The following ARRB1 variants were observed in gnomAD, a reference collection of about 807,000 sequenced individuals.
ARRB1 encodes arrestin beta 1.
A neutral mutation model predicts 56.8 loss-of-function variants in ARRB1; 21 were observed. That is an observed-to-expected ratio of 0.37 (90% confidence interval 0.26 to 0.53). ARRB1 has a LOEUF of 0.53. ARRB1 is among the 20% of genes least tolerant of loss of function. The probability of loss-of-function intolerance (pLI) is 0.88; values close to 1 mark genes in which losing one functional copy is unlikely to be tolerated. For synonymous variants in ARRB1, 210 were observed against 218.6 expected, an observed-to-expected ratio of 0.96 and a Z score of 0.35; for missense variants, 424 against 553.7, an observed-to-expected ratio of 0.77 and a Z score of 2.35.
At chr11:75,285,459 CT>C in intron 3 of ARRB1, among the ~76,000 whole-genome samples, 1 of 152,330 alleles carries the variant, frequency 6.6e-6, no homozygotes, top group East Asian at 1.9e-4. Context: ...CTCTCTCCCC[CT>C]ACCCTCTAAC....
At chr11:75,297,864 CAAAAAAAAAA>C (rs34831668) in intron 1 of ARRB1, among the ~76,000 whole-genome samples, 18 of 29,266 alleles carry the variant, frequency 6.2e-4, no homozygotes, top group Admixed American at 3.4e-3. Context: ...GACTTTGTCT[CAAAAAAAAAA>C]AAAAAAAAAA....
intron 1 of ARRB1, among the ~76,000 whole-genome samples, chr11:75,294,558 A>AAAAT (rs201799600): frequency 1.4e-3 from 185 of 133,184 alleles, no homozygotes; most frequent in Middle Eastern, 7.7e-3. Flanking sequence ...CTCCGTCTCA[A>AAAAT]AAATAAATAA....
intron 1 of ARRB1, among the ~76,000 whole-genome samples, chr11:75,329,247 C>T (rs1382482547): frequency 2.0e-5 from 3 of 151,972 alleles, no homozygotes; most frequent in Non-Finnish European, 4.4e-5. Context: ...ACTATAGGCA[C>T]GCACCACCAT....
chr11:75,331,706 A>G (rs1947522979), intron 1 of ARRB1, among the ~76,000 whole-genome samples: 1 of 149,240 alleles, frequency 6.7e-6, no homozygotes, highest in Admixed American at 6.7e-5. Context: ...CTCTTTTCGG[A>G]CTCAGCCCGC....
chr11:75,266,029 C>G lies in ARRB1; in HGVS notation c.*134G>C, dbSNP rs1053597214. 28 of 706,422 alleles carry G rather than the reference C, an allele frequency of 4.0e-5. No individual in the cohort carries two copies. In the African/African-American group the frequency reaches 4.9e-4, roughly 12 times the overall value. 43.8% of individuals were successfully genotyped at this position (706,422 alleles called of 1,614,324 possible). On this transcript the variant is annotated 3_prime_UTR_variant, in exon 16 of 16. Transcript: ENST00000420843. Reference sequence around the variant, plus strand: ...GAGGCCAGAGGTTCATCACCGTGATCTGGAAGCCCACGGGGCCCCCTGGTA... The same window carrying G: ...GAGGCCAGAGGTTCATCACCGTGATGTGGAAGCCCACGGGGCCCCCTGGTA...
At chr11:75,351,488 G>T in intron 1 of ARRB1, 100 bp downstream of exon 1, 1 of 1,470,382 alleles carries the variant, frequency 6.8e-7, no homozygotes, top group Non-Finnish European at 9.0e-7. Flanking sequence ...ATCCCGCGGT[G>T]GCCGCGAACG....
chr11:75,344,747 A>C (rs755538994), intron 1 of ARRB1, among the ~76,000 whole-genome samples: 4 of 152,186 alleles, frequency 2.6e-5, no homozygotes, highest in Non-Finnish European at 5.9e-5. Context: ...GTGGGAGACA[A>C]GGCCCCAACT....
At position 75,298,929 on chromosome 11, in the gene ARRB1, T is replaced by TTAATTATGTTAATTTAACTAAATTAACA. The variant is rs1322040356; in HGVS notation, c.21-8891_21-8890insTGTTAATTTAGTTAAATTAACATAATTA. 7.0e-4 allele frequency among the ~76,000 whole-genome samples: 106 copies of TTAATTATGTTAATTTAACTAAATTAACA among 151,922 alleles called. 1 individual carries two copies. The highest frequency in any genetic ancestry group is 1.2e-3 in the Non-Finnish European group (84 of 67,942). On this transcript the variant is annotated intron_variant, in intron 1 of 15. Transcript: ENST00000420843. ...TTATGTTAAGTAAATTAACATAATGTTAATTATGTTAATTTAACATAATTA... is the reference window on the plus strand; with the variant it reads ...TTATGTTAAGTAAATTAACATAATGTTAATTATGTTAATTTAACTAAATTAACATAATTATGTTAATTTAACATAATTA...
chr11:75,321,878 C>G (rs1342855883), intron 1 of ARRB1, among the ~76,000 whole-genome samples: 1 of 152,222 alleles, frequency 6.6e-6, no homozygotes, highest in Admixed American at 6.5e-5. Flanking sequence ...AGGGCCCTGT[C>G]TACATAAAGC....
rs1420254816 is a variant in ARRB1, at chr11:75,261,498, T to G, written c.*4665A>C. 1.3e-5 allele frequency: 2 copies of G among 152,212 alleles called. No homozygotes were observed. The highest frequency in any genetic ancestry group is 1.3e-4 in the Admixed American group (2 of 15,278). The allele number at this position is 152,212 out of a possible 1,614,324, so 9.4% of individuals were successfully genotyped here. A position where few individuals can be genotyped will look rare whatever the true frequency, so the allele number is the denominator to read the frequency against. ...TTTGCCTCCACTCCCATCTTCCCAC[T>G]TTAGCATCCCCTGACAAAGCTCTGT... On this transcript the variant is annotated 3_prime_UTR_variant, in exon 16 of 16. Transcript: ENST00000420843.
intron 1 of ARRB1, among the ~76,000 whole-genome samples, chr11:75,293,353 G>A (rs1946652041): frequency 6.6e-6 from 1 of 152,156 alleles, no homozygotes; most frequent in Admixed American, 6.5e-5. Context: ...CCGAGCCCAT[G>A]TCCTTTCCAC....
intron 14 of ARRB1, 108 bp from the exon 15 acceptor site, chr11:75,267,811 G>T: frequency 4.3e-6 from 4 of 922,508 alleles, no homozygotes; most frequent in Admixed American, 2.0e-5. Context: ...ACATGAGAAG[G>T]GCAAAGGATA....
At chr11:75,343,919 T>C (rs1434943311) in intron 1 of ARRB1, among the ~76,000 whole-genome samples, 6 of 151,886 alleles carry the variant, frequency 4.0e-5, no homozygotes, top group South Asian at 2.1e-4. Context: ...GGGTTCATGC[T>C]ATTCTCCTGC....
intron 1 of ARRB1, among the ~76,000 whole-genome samples, chr11:75,304,594 G>A (rs1292935264): frequency 2.6e-5 from 4 of 151,996 alleles, no homozygotes; most frequent in African/African-American, 7.2e-5. Flanking sequence ...GGGCGAATTT[G>A]CACCCCAGGG....
At position 75,277,044 on chromosome 11, in the gene ARRB1, GACC is replaced by G. The variant is rs1425079892; in HGVS notation, c.704-136_704-134del. 3.7e-6 allele frequency: 3 copies of G among 812,368 alleles called. No homozygotes were observed. In the African/African-American group the frequency reaches 5.0e-5, roughly 14 times the overall value. The allele number at this position is 812,368 out of a possible 1,614,324, so 50.3% of individuals were successfully genotyped here. A position where few individuals can be genotyped will look rare whatever the true frequency, so the allele number is the denominator to read the frequency against. ...GCCACCAGTGGGGACTTCTGCATAAGACCACCCCTGTCTTACATCCAAAGGGTA... is the reference window on the plus strand; with the variant it reads ...GCCACCAGTGGGGACTTCTGCATAAGACCCCTGTCTTACATCCAAAGGGTA... On this transcript the variant is annotated intron_variant, in intron 9 of 15. Coordinates refer to ENST00000420843, the MANE Select transcript of ARRB1 (RefSeq NM_004041.5).
intron 1 of ARRB1, among the ~76,000 whole-genome samples, chr11:75,350,140 A>G (rs1314321811): frequency 6.6e-6 from 1 of 152,238 alleles, no homozygotes; most frequent in Non-Finnish European, 1.5e-5. Context: ...AGAAAATGGA[A>G]ATAATCTCTG....
chr11:75,300,286 G>C (rs773543575), intron 1 of ARRB1, among the ~76,000 whole-genome samples: 43 of 151,810 alleles, frequency 2.8e-4, no homozygotes, highest in Non-Finnish European at 1.8e-4. Context: ...TCCAGTTACT[G>C]CTGTAAGTGA....
At chr11:75,293,479 G>A (rs1036755059) in intron 1 of ARRB1, among the ~76,000 whole-genome samples, 7 of 152,270 alleles carry the variant, frequency 4.6e-5, no homozygotes, top group African/African-American at 1.4e-4. Context: ...CACCTATGCA[G>A]CGTCACACAG....
chr11:75,286,577 T>C (rs1426381012), intron 3 of ARRB1, among the ~76,000 whole-genome samples: 1 of 152,108 alleles, frequency 6.6e-6, no homozygotes, highest in Non-Finnish European at 1.5e-5. Flanking sequence ...AAGACATTTT[T>C]AGTTGGCCTA....
Sources: gnomAD v4.1 joint callset for allele counts (sites outside exome capture counted in the v4.1 genomes callset) on GRCh38, gnomAD v4.1.1 for gene constraint, MANE v1.5 for transcripts, NCBI Gene and HGNC (gene_info 2026-07-23, HGNC 2026-07-21) for gene names.